Variants in USP46 observed in about 807,000 individuals in gnomAD.
USP46 encodes ubiquitin specific peptidase 46, also known as ubiquitin carboxyl-terminal hydrolase 46.
A neutral mutation model predicts 44.4 loss-of-function variants in USP46; 12 were observed. That is an observed-to-expected ratio of 0.27 (90% confidence interval 0.17 to 0.44). USP46 has a LOEUF of 0.44. Ranked by LOEUF, USP46 falls within the 20% of genes least tolerant of loss-of-function variation. USP46 has a pLI of 1.00. For synonymous variants in USP46, 155 were observed against 161.5 expected, an observed-to-expected ratio of 0.96 and a Z score of 0.31; for missense variants, 248 against 444.8, an observed-to-expected ratio of 0.56 and a Z score of 3.98.
chr4:52,632,879 A>AAAGG (rs757023053), intron 1 of USP46, among the ~76,000 whole-genome samples: 18 of 146,306 alleles, frequency 1.2e-4, no homozygotes, highest in South Asian at 2.2e-4. Flanking sequence ...CAGAGAAAGA[A>AAAGG]AAGGAAGGAA....
At chr4:52,609,538 C>T (rs1716838942) in intron 5 of USP46, among the ~76,000 whole-genome samples, 1 of 152,186 alleles carries the variant, frequency 6.6e-6, no homozygotes, top group Non-Finnish European at 1.5e-5. Flanking sequence ...TCCTGCACGT[C>T]CTTCTCCCAT....
intron 1 of USP46, 150 bp downstream of exon 1, chr4:52,658,965 C>T (rs1719065234): frequency 3.2e-6 from 3 of 941,716 alleles, no homozygotes; most frequent in Admixed American, 4.5e-5. Context: ...TGGCTGCGGC[C>T]GCGCGCCCAG....
chr4:52,629,805 T>C (rs1577680808), intron 2 of USP46: 3 of 446,856 alleles, frequency 6.7e-6, no homozygotes, highest in East Asian at 1.4e-4. Flanking sequence ...TAGAAGCCAT[T>C]ATGACCCCCA....
intron 5 of USP46, among the ~76,000 whole-genome samples, chr4:52,610,066 C>T (rs945033121): frequency 2.7e-5 from 4 of 149,380 alleles, no homozygotes; most frequent in Admixed American, 1.3e-4. Flanking sequence ...GCTGGGACTA[C>T]AGGCGCGCGC....
chr4:52,610,403 G>C, intron 5 of USP46, 138 bp downstream of exon 5: 1 of 742,804 alleles, frequency 1.3e-6, no homozygotes. Context: ...ATCGCTCTTG[G>C]GAAAGGAGAG....
chr4:52,609,898 C>CTTTTTTTTTTTT lies in USP46; in HGVS notation c.638+631_638+642dup, dbSNP rs66817554. On this transcript the variant is annotated intron_variant, in intron 5 of 8. Coordinates refer to ENST00000441222, the MANE Select transcript of USP46 (RefSeq NM_022832.4). Reference sequence around the variant, plus strand: ...GGAAACCTAAACCTCAATTCTATTTCTTTTTTTTTTTTTTTTTTTTTTTTT... The same window carrying CTTTTTTTTTTTT: ...GGAAACCTAAACCTCAATTCTATTTCTTTTTTTTTTTTTTTTTTTTTTTTTTTTTTTTTTTTT... Among the ~76,000 whole-genome samples the CTTTTTTTTTTTT allele has an allele frequency of 3.0e-3, 74 of 24,588 alleles. 21 individuals carry two copies. Among genetic ancestry groups the CTTTTTTTTTTTT allele is most frequent in the East Asian group, 7.0e-3 (6 of 860 alleles). 16.1% of individuals were successfully genotyped at this position (24,588 alleles called of 152,430 possible).
chr4:52,623,318 T>C (rs967006352), intron 4 of USP46, among the ~76,000 whole-genome samples: 4 of 152,170 alleles, frequency 2.6e-5, no homozygotes, highest in Admixed American at 6.5e-5. Flanking sequence ...TACAAAGTTA[T>C]TCTGAAAATA....
intron 1 of USP46, among the ~76,000 whole-genome samples, chr4:52,640,037 C>T (rs1221732729): frequency 6.6e-6 from 1 of 150,952 alleles, no homozygotes; most frequent in Non-Finnish European, 1.5e-5. Context: ...AATCAGTAGT[C>T]ATATCCCTGC....
chr4:52,594,561 G>T lies in USP46; in HGVS notation c.*3079C>A, dbSNP rs564021947. 2.4e-4 allele frequency: 37 copies of T among 152,268 alleles called. No individual in the cohort carries two copies. The highest frequency in any genetic ancestry group is 1.4e-3 in the Admixed American group (21 of 15,294). The allele number at this position is 152,268 out of a possible 1,614,324, so 9.4% of individuals were successfully genotyped here. On this transcript the variant is annotated 3_prime_UTR_variant, in exon 9 of 9. Coordinates refer to ENST00000441222, the MANE Select transcript of USP46 (RefSeq NM_022832.4). ...AGCAAACAAGGGCAAAACATTTAGT[G>T]CACAATATTTTAATACACGTGAATA...
At chr4:52,598,582 T>C (rs1055119270) in intron 8 of USP46, 46 bp downstream of exon 8, 13 of 1,538,682 alleles carry the variant, frequency 8.4e-6, no homozygotes, top group Non-Finnish European at 1.2e-5. Flanking sequence ...TTCTCCGAAA[T>C]ACTACTGATG....
chr4:52,635,590 A>T (rs1256898345), intron 1 of USP46, among the ~76,000 whole-genome samples: 1 of 152,162 alleles, frequency 6.6e-6, no homozygotes, highest in Non-Finnish European at 1.5e-5. Context: ...GACTCCCCCA[A>T]CTTCCTACAT....
At chr4:52,624,091 G>C (rs759514112) in intron 4 of USP46, among the ~76,000 whole-genome samples, 1 of 152,100 alleles carries the variant, frequency 6.6e-6, no homozygotes, top group South Asian at 2.1e-4. Flanking sequence ...AAGGTAAAAA[G>C]GGTGTGTTGG....
At chr4:52,625,743 A>T (rs1717556240) in intron 4 of USP46, among the ~76,000 whole-genome samples, 1 of 152,080 alleles carries the variant, frequency 6.6e-6, no homozygotes, top group Non-Finnish European at 1.5e-5. Context: ...CCAATTCAAT[A>T]GATTAAATCT....
intron 1 of USP46, among the ~76,000 whole-genome samples, chr4:52,643,406 T>A (rs1311271670): frequency 3.3e-5 from 5 of 152,250 alleles, no homozygotes; most frequent in African/African-American, 1.2e-4. Context: ...AAAGTTTTAC[T>A]GCAACACAGC....
chr4:52,635,520 C>T (rs1314092225), intron 1 of USP46, among the ~76,000 whole-genome samples: 1 of 152,144 alleles, frequency 6.6e-6, no homozygotes, highest in Non-Finnish European at 1.5e-5. Context: ...CTCGCCATCC[C>T]CTTGACCCTT....
chr4:52,656,649 G>A (rs532946959), intron 1 of USP46: 44 of 1,019,192 alleles, frequency 4.3e-5, no homozygotes, highest in Non-Finnish European at 5.3e-5. Context: ...ACCAGGCCCT[G>A]TGCCCGAGTA....
intron 1 of USP46, among the ~76,000 whole-genome samples, chr4:52,639,081 G>A (rs1314189323): frequency 5.3e-5 from 8 of 152,146 alleles, no homozygotes; most frequent in African/African-American, 1.9e-4. Flanking sequence ...GCTTAAATAT[G>A]TTAAATGTAA....
intron 1 of USP46, among the ~76,000 whole-genome samples, chr4:52,644,737 T>TA (rs781627890): frequency 0.079 from 8,537 of 108,334 alleles, 318 homozygotes; most frequent in South Asian, 0.15. Context: ...GATATTGAAT[T>TA]AAAAAAAAAA....
chr4:52,630,065 T>C (rs1460526858), intron 2 of USP46, among the ~76,000 whole-genome samples: 7 of 152,054 alleles, frequency 4.6e-5, no homozygotes, highest in Non-Finnish European at 7.4e-5. Context: ...AAACCAATTG[T>C]TTTTGAGTTA....
Sources: gnomAD v4.1 joint callset for allele counts (sites outside exome capture counted in the v4.1 genomes callset) on GRCh38, gnomAD v4.1.1 for gene constraint, MANE v1.5 for transcripts, NCBI Gene and HGNC (gene_info 2026-07-23, HGNC 2026-07-21) for gene names.